Variants in PHAF1 observed in about 807,000 individuals in gnomAD.
PHAF1 encodes the protein phagosome assembly factor 1.
PHAF1 carries 23 observed loss-of-function variants against 63.1 expected under a neutral mutation model. That is an observed-to-expected ratio of 0.36 (90% confidence interval 0.26 to 0.52). The LOEUF is 0.52. PHAF1 is among the 20% of genes least tolerant of loss of function. The pLI is 0.93. For synonymous variants in PHAF1, 167 were observed against 185.0 expected (o/e 0.90, Z 0.79); for missense variants, 427 against 517.2 (o/e 0.83, Z 1.69).
intron 8 of PHAF1, among the ~76,000 whole-genome samples, chr16:67,138,838 G>C (rs1474020193): frequency 2.0e-5 from 3 of 152,142 alleles, no homozygotes; most frequent in Non-Finnish European, 4.4e-5. Flanking sequence ...AGGGAGACAA[G>C]TAATGCATGC....
chr16:67,147,187 A>G lies in PHAF1; in HGVS notation c.*56A>G. On this transcript the variant is annotated 3_prime_UTR_variant, in exon 16 of 16. Coordinates refer to ENST00000219139, the MANE Select transcript of PHAF1 (RefSeq NM_025187.5). ...TGGAACTGTGCATCACATCCTGCTC[A>G]GTGGGCCTCTGTACCACCCTGTGGG... 6.6e-7 allele frequency: 1 copy of G among 1,506,504 alleles called. No individual in the cohort carries two copies. Among genetic ancestry groups the G allele is most frequent in the East Asian group, 2.3e-5 (1 of 44,244 alleles). The allele number at this position is 1,506,504 out of a possible 1,614,324, so 93.3% of individuals were successfully genotyped here.
intron 13 of PHAF1, 67 bp downstream of exon 13, chr16:67,145,486 G>A (rs1241235825): frequency 6.2e-7 from 1 of 1,612,112 alleles, no homozygotes; most frequent in African/African-American, 1.3e-5. Flanking sequence ...CAGGCAGTAT[G>A]GGGCTGTGTC....
In PHAF1 at chr16:67,147,808, C is replaced by A. The variant is rs2145899706; in HGVS notation, c.*677C>A. The A allele has an allele frequency of 6.5e-6, 1 of 152,936 alleles. No homozygotes were observed. The highest frequency in any genetic ancestry group is 2.1e-4 in the South Asian group (1 of 4,838). 9.5% of individuals were successfully genotyped at this position (152,936 alleles called of 1,614,324 possible). ...GTGCCCCTGCTCTGCCCCATCCTGG[C>A]TGGCAGGGCTGCATGTTTCCATCCT... On this transcript the variant is annotated 3_prime_UTR_variant, in exon 16 of 16. Transcript: ENST00000219139.
chr16:67,133,501 TAAAAA>T (rs757439473), intron 6 of PHAF1, among the ~76,000 whole-genome samples: 1 of 99,792 alleles, frequency 1.0e-5, no homozygotes, highest in Non-Finnish European at 2.2e-5. Flanking sequence ...CCAAAAATAT[TAAAAA>T]AAAAAAAAAA....
In PHAF1 at chr16:67,126,062, A is replaced by C. The variant is rs1019868201; in HGVS notation, c.231+20A>C. 1.3e-5 allele frequency: 20 copies of C among 1,563,964 alleles called. No homozygotes were observed. Among genetic ancestry groups the C allele is most frequent in the Non-Finnish European group, 1.7e-5 (19 of 1,136,006 alleles). ...CTTAAGGTAACTATAAATGACAACT[A>C]ATGTTTCATGTCCAGCTGGGCCAGT... On this transcript the variant is annotated intron_variant, in intron 3 of 15. Transcript: ENST00000219139.
chr16:67,141,191 C>T (rs1039709722), intron 10 of PHAF1, among the ~76,000 whole-genome samples: 8 of 152,212 alleles, frequency 5.3e-5, no homozygotes, highest in African/African-American at 1.4e-4. Flanking sequence ...GAGCCTTCTA[C>T]GGTCTGAGGT....
chr16:67,128,415 T>C (rs556011948), intron 3 of PHAF1, among the ~76,000 whole-genome samples: 4 of 152,164 alleles, frequency 2.6e-5, no homozygotes, highest in Non-Finnish European at 5.9e-5. Flanking sequence ...ATCACCCAGG[T>C]GTTTTTGATT....
intron 1 of PHAF1, 140 bp downstream of exon 1, chr16:67,110,379 G>A (rs766648310): frequency 1.1e-6 from 1 of 925,840 alleles, no homozygotes; most frequent in Non-Finnish European, 1.7e-6. Context: ...CTGGGCTCCA[G>A]GCACTAGATA....
chr16:67,139,074 A>C (rs1963706958), intron 8 of PHAF1, among the ~76,000 whole-genome samples: 1 of 151,664 alleles, frequency 6.6e-6, no homozygotes, highest in African/African-American at 2.4e-5. Flanking sequence ...GTGTGCCACC[A>C]CGCCTGGCTA....
chr16:67,132,821 C>T lies in PHAF1; in HGVS notation c.360C>T (p.Tyr120=). 1.9e-6 allele frequency: 3 copies of T among 1,611,442 alleles called. No individual in the cohort carries two copies. Among genetic ancestry groups the T allele is most frequent in the Non-Finnish European group, 2.5e-6 (3 of 1,177,498 alleles). The change falls in exon 6 of 16, where the codon TAC becomes TAT. Residue 120 remains tyrosine (Y), a synonymous_variant. Coordinates refer to ENST00000219139, the MANE Select transcript of PHAF1 (RefSeq NM_025187.5). ...QSFGATHPGV[Y]NSAEQLFHLN... ...CTTCTCCCCCACCCCCAACAGTGTACAACTCCGCTGAGCAGCTCTTCCATC... is the reference window on the plus strand; with the variant it reads ...CTTCTCCCCCACCCCCAACAGTGTATAACTCCGCTGAGCAGCTCTTCCATC...
chr16:67,132,422 T>G (rs755146317), intron 4 of PHAF1, 24 bp from the exon 5 acceptor site: 20 of 1,568,468 alleles, frequency 1.3e-5, no homozygotes, highest in Non-Finnish European at 1.7e-5. Context: ...AAGCCTAGTA[T>G]TAAAAAATAT....
In PHAF1 at chr16:67,147,850, T is replaced by C. The variant is rs2030234097; in HGVS notation, c.*719T>C. The C allele has an allele frequency of 6.5e-6, 1 of 152,802 alleles. No homozygotes were observed. The highest frequency in any genetic ancestry group is 1.5e-5 in the Non-Finnish European group (1 of 68,138). 9.5% of individuals were successfully genotyped at this position (152,802 alleles called of 1,614,324 possible). On this transcript the variant is annotated 3_prime_UTR_variant, in exon 16 of 16. Transcript: ENST00000219139. Reference sequence around the variant, plus strand: ...TTCCATCCTGTTTGCCTCTTTTATTTAATGCCAAAGTTTTAGCCAAAGACA... The same window carrying C: ...TTCCATCCTGTTTGCCTCTTTTATTCAATGCCAAAGTTTTAGCCAAAGACA...
At chr16:67,113,835 G>A (rs1962627243) in intron 1 of PHAF1, among the ~76,000 whole-genome samples, 1 of 149,920 alleles carries the variant, frequency 6.7e-6, no homozygotes. Context: ...TGCAACTTCT[G>A]CCTCTTGCGA....
chr16:67,111,020 C>G (rs138366371), intron 1 of PHAF1, among the ~76,000 whole-genome samples: 4 of 152,258 alleles, frequency 2.6e-5, no homozygotes, highest in Middle Eastern at 3.4e-3. Context: ...CCATGTTGAC[C>G]AGGCTGGCTG....
intron 1 of PHAF1, 84 bp from the exon 2 acceptor site, chr16:67,120,028 T>A: frequency 8.7e-7 from 1 of 1,155,764 alleles, no homozygotes; most frequent in Non-Finnish European, 1.3e-6. Flanking sequence ...CAGGCTTTAC[T>A]GCAGGGACCA....
intron 8 of PHAF1, chr16:67,135,560 C>T (rs1175619366): frequency 6.6e-6 from 1 of 152,214 alleles, no homozygotes; most frequent in Non-Finnish European, 1.5e-5. Context: ...TCACTGCAGC[C>T]TCAAAACTCC....
chr16:67,142,364 A>G (rs529995695), intron 10 of PHAF1, among the ~76,000 whole-genome samples: 2 of 152,330 alleles, frequency 1.3e-5, no homozygotes, highest in South Asian at 4.1e-4. Flanking sequence ...CCCACAGACT[A>G]CCCAGAGCTG....
Position 67,109,962 on chromosome 16 carries a change from G to T in PHAF1, c.-214G>T, listed in dbSNP as rs1357681133. On this transcript the variant is annotated 5_prime_UTR_variant, in exon 1 of 16. Coordinates refer to ENST00000219139, the MANE Select transcript of PHAF1 (RefSeq NM_025187.5). The stretch of plus-strand genomic sequence containing the variant: ...TACTGCAGTCGCGCCCGCCGCCGTC[G>T]TTGCCCCCGCTGCCGCGGCTGCTGC... The T allele has an allele frequency of 3.8e-6, 2 of 520,674 alleles. No individual in the cohort carries two copies. Among genetic ancestry groups the T allele is most frequent in the East Asian group, 6.7e-5 (2 of 30,042 alleles). 32.3% of individuals were successfully genotyped at this position (520,674 alleles called of 1,614,324 possible).
At chr16:67,118,427 C>T (rs1341710122) in intron 1 of PHAF1, among the ~76,000 whole-genome samples, 1 of 148,188 alleles carries the variant, frequency 6.7e-6, no homozygotes, top group East Asian at 2.0e-4. Context: ...ACCTCTGCCT[C>T]CTGAGTTCAA....
Sources: allele counts gnomAD v4.1 joint callset (sites outside exome capture counted in the v4.1 genomes callset), GRCh38; gene constraint gnomAD v4.1.1; transcripts MANE v1.5; gene names NCBI Gene and HGNC (gene_info 2026-07-23, HGNC 2026-07-21).